CDH9: variants seen among roughly 807,000 people sequenced by gnomAD.
The protein encoded by CDH9 is cadherin-9.
Under a neutral mutation model 70.9 loss-of-function variants are expected in CDH9, and 28 were observed. The ratio of observed to expected loss-of-function variants is 0.40; its 90% confidence interval spans 0.29 to 0.54. The LOEUF (loss-of-function observed/expected upper bound fraction) is 0.54. CDH9 is among the 20% of genes least tolerant of loss of function. The pLI is 0.59. For synonymous variants in CDH9, 409 were observed against 343.1 expected, an observed-to-expected ratio of 1.19 and a Z score of -2.12; for missense variants, 874 against 984.4, an observed-to-expected ratio of 0.89 and a Z score of 1.50.
intron 2 of CDH9, among the ~76,000 whole-genome samples, chr5:26,982,393 A>C (rs1251201654): frequency 6.6e-6 from 1 of 152,172 alleles, no homozygotes; most frequent in Middle Eastern, 3.2e-3. Flanking sequence ...AACAGCAAAG[A>C]GGAAGTTTGA....
At chr5:26,953,307 A>T (rs7716950) in intron 2 of CDH9, among the ~76,000 whole-genome samples, 57,468 of 152,084 alleles carry the variant, frequency 0.38, 12,341 homozygotes, top group East Asian at 0.84. Flanking sequence ...TGTGCTACAA[A>T]AATATTTTCT....
intron 2 of CDH9, among the ~76,000 whole-genome samples, chr5:26,971,099 C>T (rs943756567): frequency 2.0e-5 from 3 of 152,142 alleles, no homozygotes; most frequent in African/African-American, 7.2e-5. Context: ...GCAAACTCTG[C>T]TTCTTTTCAG....
intron 1 of CDH9, among the ~76,000 whole-genome samples, chr5:27,012,253 TTTTA>T (rs1344825701): frequency 4.6e-5 from 7 of 152,028 alleles, no homozygotes; most frequent in South Asian, 2.1e-4. Flanking sequence ...ACTCCGTTGT[TTTTA>T]TTTGTGTTAT....
At chr5:26,888,604 C>T (rs376270069) in intron 9 of CDH9, among the ~76,000 whole-genome samples, 1 of 152,142 alleles carries the variant, frequency 6.6e-6, no homozygotes, top group East Asian at 1.9e-4. Flanking sequence ...AAATAAAAAT[C>T]TCATTTGCAT....
intron 7 of CDH9, among the ~76,000 whole-genome samples, chr5:26,896,177 C>T (rs17497167): frequency 0.12 from 18,474 of 151,892 alleles, 1,284 homozygotes; most frequent in Middle Eastern, 0.33. Flanking sequence ...CAAAGATTTC[C>T]GGATGACCTT....
intron 9 of CDH9, among the ~76,000 whole-genome samples, chr5:26,889,585 AC>A (rs1356383145): frequency 6.6e-6 from 1 of 152,172 alleles, no homozygotes; most frequent in Non-Finnish European, 1.5e-5. Context: ...TGTGATATTC[AC>A]TATAAACCTA....
chr5:26,987,323 G>A (rs1447230318), intron 2 of CDH9, among the ~76,000 whole-genome samples: 1 of 151,794 alleles, frequency 6.6e-6, no homozygotes, highest in East Asian at 1.9e-4. Flanking sequence ...AACAATTATA[G>A]TTAACAAATG....
chr5:26,899,546 A>G (rs1740815045), intron 7 of CDH9, among the ~76,000 whole-genome samples: 1 of 152,152 alleles, frequency 6.6e-6, no homozygotes, highest in South Asian at 2.1e-4. Context: ...AAATTAACAC[A>G]GGAACAGAAA....
intron 2 of CDH9, among the ~76,000 whole-genome samples, chr5:26,969,460 T>C (rs1742181523): frequency 6.6e-6 from 1 of 152,106 alleles, no homozygotes; most frequent in Non-Finnish European, 1.5e-5. Context: ...CATATGTTAA[T>C]TGATCAGAAA....
intron 2 of CDH9, among the ~76,000 whole-genome samples, chr5:26,950,255 T>C (rs1579470905): frequency 6.6e-6 from 1 of 152,198 alleles, no homozygotes; most frequent in Admixed American, 6.5e-5. Context: ...ACAAACAAAA[T>C]GAATTTCATA....
At chr5:26,928,447 C>T (rs888597406) in intron 2 of CDH9, among the ~76,000 whole-genome samples, 1 of 151,966 alleles carries the variant, frequency 6.6e-6, no homozygotes, top group Non-Finnish European at 1.5e-5. Context: ...TCAATGTAAT[C>T]CCAATGTAAA....
At chr5:26,914,945 A>G (rs1195329725) in intron 3 of CDH9, among the ~76,000 whole-genome samples, 3 of 152,182 alleles carry the variant, frequency 2.0e-5, no homozygotes, top group East Asian at 3.9e-4. Flanking sequence ...AGTTAAATGT[A>G]GTCATACACA....
In CDH9 at chr5:26,880,945, T is replaced by C. The variant is rs1205745544; in HGVS notation, c.*191A>G. On this transcript the variant is annotated 3_prime_UTR_variant, in exon 12 of 12. Transcript: ENST00000231021. ...AAGAGGGTGAACTGGTTATTACTTTTTTAAAAATCTGTATCATTCGTATTC... is the reference window on the plus strand; with the variant it reads ...AAGAGGGTGAACTGGTTATTACTTTCTTAAAAATCTGTATCATTCGTATTC... 2.2e-6 allele frequency: 1 copy of C among 454,590 alleles called. No individual in the cohort carries two copies. The highest frequency in any genetic ancestry group is 3.4e-5 in the East Asian group (1 of 29,816). The allele number at this position is 454,590 out of a possible 1,614,324, so 28.2% of individuals were successfully genotyped here.
chr5:26,925,706 C>T (rs1007354942), intron 2 of CDH9, among the ~76,000 whole-genome samples: 1 of 151,964 alleles, frequency 6.6e-6, no homozygotes, highest in African/African-American at 2.4e-5. Flanking sequence ...GTCTTTAATC[C>T]ATTTTAAATT....
intron 2 of CDH9, among the ~76,000 whole-genome samples, chr5:26,964,532 G>T (rs1447171873): frequency 6.6e-6 from 1 of 152,162 alleles, no homozygotes; most frequent in African/African-American, 2.4e-5. Context: ...TATGCAGTTT[G>T]TATTGTGTTG....
At chr5:26,940,506 A>G (rs1190401548) in intron 2 of CDH9, among the ~76,000 whole-genome samples, 1 of 143,822 alleles carries the variant, frequency 7.0e-6, no homozygotes, top group East Asian at 1.9e-4. Context: ...ATATCCTACC[A>G]AAAGGTTATA....
At chr5:26,991,598 A>G (rs1056593195) in intron 1 of CDH9, among the ~76,000 whole-genome samples, 1 of 152,176 alleles carries the variant, frequency 6.6e-6, no homozygotes, top group African/African-American at 2.4e-5. Context: ...TAACTGATCA[A>G]TTGCCCAAAA....
At chr5:26,924,257 T>C (rs1741297464) in intron 2 of CDH9, among the ~76,000 whole-genome samples, 1 of 151,850 alleles carries the variant, frequency 6.6e-6, no homozygotes. Flanking sequence ...CATTACAGGT[T>C]CTAAGAGCAA....
At chr5:26,956,967 A>AT (rs1322987246) in intron 2 of CDH9, among the ~76,000 whole-genome samples, 1 of 148,768 alleles carries the variant, frequency 6.7e-6, no homozygotes, top group Non-Finnish European at 1.5e-5. Flanking sequence ...AGAGATAGTC[A>AT]TTAGCATATT....
Sources: gnomAD v4.1 joint callset for allele counts (sites outside exome capture counted in the v4.1 genomes callset) on GRCh38, gnomAD v4.1.1 for gene constraint, MANE v1.5 for transcripts, NCBI Gene and HGNC (gene_info 2026-07-23, HGNC 2026-07-21) for gene names.